The following FMN1 variants were observed in gnomAD, a reference collection of about 807,000 sequenced individuals.
FMN1 encodes formin 1, also known as formin-1.
Under a neutral mutation model 132.4 loss-of-function variants are expected in FMN1, and 110 were observed. The observed-to-expected ratio is 0.83, with a 90% CI of 0.71 to 0.97. The LOEUF (loss-of-function observed/expected upper bound fraction) is 0.97, where lower values mean the gene tolerates loss of function less well. Among genes scored for constraint, FMN1 ranks in the 50% least tolerant of loss-of-function variants. The pLI, the probability that FMN1 is intolerant of heterozygous loss-of-function variation, is 0.00. For synonymous variants in FMN1, 722 were observed against 651.7 expected, an observed-to-expected ratio of 1.11 and a Z score of -1.64; for missense variants, 1,792 against 1,705.3, an observed-to-expected ratio of 1.05 and a Z score of -0.90.
intron 17 of FMN1, among the ~76,000 whole-genome samples, chr15:32,815,136 G>A (rs1018556916): frequency 1.3e-5 from 2 of 152,062 alleles, no homozygotes; most frequent in African/African-American, 4.8e-5. Context: ...TAGAGATGGG[G>A]TTTCCCCGTG....
intron 16 of FMN1, among the ~76,000 whole-genome samples, chr15:32,868,476 T>TGTA (rs1047302590): frequency 1.3e-5 from 2 of 152,200 alleles, no homozygotes; most frequent in African/African-American, 4.8e-5. Context: ...TCTATGTTTG[T>TGTA]GTAAGTACAC....
chr15:33,188,361 T>C (rs1965962123), intron 2 of FMN1, among the ~76,000 whole-genome samples: 1 of 152,090 alleles, frequency 6.6e-6, no homozygotes, highest in African/African-American at 2.4e-5. Flanking sequence ...CGAGTTAGCA[T>C]TTTTTTCAAA....
At chr15:32,909,939 T>A (rs1182271421) in intron 11 of FMN1, among the ~76,000 whole-genome samples, 1 of 151,876 alleles carries the variant, frequency 6.6e-6, no homozygotes, top group African/African-American at 2.4e-5. Flanking sequence ...CACAACGGGA[T>A]TAAGAAGTTT....
At chr15:32,885,023 A>G (rs73370831) in intron 16 of FMN1, among the ~76,000 whole-genome samples, 77 of 152,326 alleles carry the variant, frequency 5.1e-4, no homozygotes, top group African/African-American at 1.8e-3. Flanking sequence ...TGCAGGTCCT[A>G]TAACTGTCCC....
chr15:32,895,691 T>C (rs2060136437), intron 15 of FMN1, among the ~76,000 whole-genome samples: 1 of 152,192 alleles, frequency 6.6e-6, no homozygotes, highest in African/African-American at 2.4e-5. Flanking sequence ...ATATGTCTTT[T>C]GTAAATTGCC....
intron 15 of FMN1, among the ~76,000 whole-genome samples, chr15:32,894,696 TA>T (rs2060112195): frequency 6.6e-6 from 1 of 151,988 alleles, no homozygotes; most frequent in Admixed American, 6.6e-5. Flanking sequence ...AAGATTAGAC[TA>T]AGTTATTTTT....
intron 7 of FMN1, among the ~76,000 whole-genome samples, chr15:32,978,528 A>T (rs1184715659): frequency 2.0e-5 from 3 of 152,252 alleles, no homozygotes; most frequent in Non-Finnish European, 2.9e-5. Flanking sequence ...ATGAGCCAAC[A>T]TACTAATTCC....
At chr15:32,914,542 T>C (rs193029928) in intron 10 of FMN1, among the ~76,000 whole-genome samples, 18 of 152,304 alleles carry the variant, frequency 1.2e-4, no homozygotes, top group African/African-American at 4.3e-4. Context: ...TGTAATACAC[T>C]TGTTATACAG....
At chr15:33,066,826 C>T (rs2037752454) in intron 5 of FMN1, 7 of 1,613,834 alleles carry the variant, frequency 4.3e-6, no homozygotes, top group Non-Finnish European at 5.9e-6. Flanking sequence ...CAGTTTTGGG[C>T]ATGTCAATGT....
At chr15:32,878,388 T>C (rs1596156240) in intron 16 of FMN1, among the ~76,000 whole-genome samples, 1 of 152,036 alleles carries the variant, frequency 6.6e-6, no homozygotes, top group African/African-American at 2.4e-5. Flanking sequence ...ATGCGGCAGG[T>C]GGAGACAAAG....
At chr15:33,061,552 C>T (rs1035081411) in intron 6 of FMN1, among the ~76,000 whole-genome samples, 5 of 151,920 alleles carry the variant, frequency 3.3e-5, no homozygotes, top group Non-Finnish European at 7.4e-5. Flanking sequence ...TCATTCCTAC[C>T]TCACATTGAT....
intron 6 of FMN1, among the ~76,000 whole-genome samples, chr15:33,056,232 C>T (rs965652636): frequency 2.0e-5 from 3 of 152,114 alleles, no homozygotes; most frequent in African/African-American, 7.2e-5. Context: ...CTGTATTTAC[C>T]AAAAGGCATG....
chr15:32,986,288 T>C (rs2033065189), intron 7 of FMN1, among the ~76,000 whole-genome samples: 1 of 152,162 alleles, frequency 6.6e-6, no homozygotes, highest in Non-Finnish European at 1.5e-5. Flanking sequence ...CCGTTGAGGC[T>C]AAGCTTATAT....
intron 2 of FMN1, among the ~76,000 whole-genome samples, chr15:33,183,871 A>AGTCTTCTTT (rs1965787897): frequency 6.6e-6 from 1 of 152,234 alleles, no homozygotes; most frequent in African/African-American, 2.4e-5. Flanking sequence ...TACTCTTTCA[A>AGTCTTCTTT]GAAAGAAAGT....
chr15:33,054,076 T>C (rs1475218691), intron 6 of FMN1, among the ~76,000 whole-genome samples: 2 of 152,136 alleles, frequency 1.3e-5, no homozygotes. Context: ...AACCTTCCGG[T>C]GTCCAACCCC....
chr15:33,048,564 C>T (rs1045252213), intron 6 of FMN1, among the ~76,000 whole-genome samples: 17 of 144,792 alleles, frequency 1.2e-4, no homozygotes, highest in Admixed American at 5.8e-4. Context: ...ATGCAAGGTG[C>T]GTAAAGAAAT....
At chr15:32,839,175 G>A (rs1000805047) in intron 17 of FMN1, among the ~76,000 whole-genome samples, 2 of 152,098 alleles carry the variant, frequency 1.3e-5, no homozygotes, top group African/African-American at 2.4e-5. Flanking sequence ...GGGTTCCAGC[G>A]GCTGGCTTCT....
At chr15:32,830,632 A>G (rs2058477070) in intron 17 of FMN1, among the ~76,000 whole-genome samples, 1 of 152,196 alleles carries the variant, frequency 6.6e-6, no homozygotes, top group African/African-American at 2.4e-5. Flanking sequence ...TCCCTCTCGT[A>G]TCAGCTAAGT....
rs139331320 is a variant in FMN1 at position 32,985,013 on chromosome 15, A to G, written c.2224-15536T>C. ...AAAAAAAAAAAAAGAAGGGCAAAACATTTGCCTTAACTCTATCCCTTCTTC... is the reference window on the plus strand; with the variant it reads ...AAAAAAAAAAAAAGAAGGGCAAAACGTTTGCCTTAACTCTATCCCTTCTTC... On this transcript the variant is annotated intron_variant, in intron 7 of 20. Coordinates refer to ENST00000616417, the MANE Select transcript of FMN1 (RefSeq NM_001277313.2). 1.4e-3 allele frequency among the ~76,000 whole-genome samples: 205 copies of G among 148,794 alleles called. 1 individual carries two copies. The highest frequency in any genetic ancestry group is 4.6e-3 in the African/African-American group (188 of 40,514).
Sources: gnomAD v4.1 joint callset for allele counts (sites outside exome capture counted in the v4.1 genomes callset) on GRCh38, gnomAD v4.1.1 for gene constraint, MANE v1.5 for transcripts, NCBI Gene and HGNC (gene_info 2026-07-23, HGNC 2026-07-21) for gene names.